Variants in MICAL2 observed in about 807,000 individuals in gnomAD.
MICAL2 encodes [F-actin]-monooxygenase MICAL2.
MICAL2 carries 77 observed loss-of-function variants against 127.3 expected under a neutral mutation model. That is an observed-to-expected ratio of 0.60 (90% CI 0.50 to 0.73). The LOEUF (loss-of-function observed/expected upper bound fraction) is 0.73. Among genes scored for constraint, MICAL2 ranks in the 30% least tolerant of loss-of-function variants. The pLI, the probability that MICAL2 is intolerant of heterozygous loss-of-function variation, is 0.00. For synonymous variants in MICAL2, 570 were observed against 551.1 expected, an observed-to-expected ratio of 1.03 and a Z score of -0.48; for missense variants, 1,351 against 1,434.4, an observed-to-expected ratio of 0.94 and a Z score of 0.94.
At chr11:12,191,715 C>T (rs779012731) in intron 3 of MICAL2, among the ~76,000 whole-genome samples, 1 of 151,960 alleles carries the variant, frequency 6.6e-6, no homozygotes, top group African/African-American at 2.4e-5. Flanking sequence ...TACAGTGAGC[C>T]GTGATTGTAC....
intron 3 of MICAL2, among the ~76,000 whole-genome samples, chr11:12,192,379 C>T (rs954927672): frequency 2.6e-5 from 4 of 152,176 alleles, no homozygotes; most frequent in African/African-American, 9.7e-5. Context: ...ATGCAAACTG[C>T]CATCAGCCTT....
chr11:12,293,180 T>C (rs1377251777), downstream of MICAL2, among the ~76,000 whole-genome samples: 1 of 152,036 alleles, frequency 6.6e-6, no homozygotes, highest in African/African-American at 2.4e-5. Flanking sequence ...AGCAAGAAAA[T>C]GAAGAGCTTA....
At chr11:12,286,003 G>T (rs557692567) in intron 2 of MICAL2, among the ~76,000 whole-genome samples, 17 of 152,344 alleles carry the variant, frequency 1.1e-4, no homozygotes, top group Admixed American at 7.2e-4. Context: ...TGAAGCCTGG[G>T]AATGCATCTG....
Position 12,213,453 on chromosome 11 carries a change from T to C in MICAL2, c.847+43T>C. ...CTCCCAACCAGGCCAAGGTCTAAAG[T>C]TTGCAGTTTCTAAAGTGTGCAGAGG... On this transcript the variant is annotated intron_variant, in intron 7 of 27. Transcript: ENST00000683283. 3 of 1,592,306 alleles carry C rather than the reference T, an allele frequency of 1.9e-6. No individual in the cohort carries two copies. In the South Asian group the frequency reaches 3.4e-5, roughly 18 times the overall value.
At chr11:12,308,697 T>C (rs1237124709) in intron 29 of MICAL2, among the ~76,000 whole-genome samples, 1 of 152,228 alleles carries the variant, frequency 6.6e-6, no homozygotes, top group African/African-American at 2.4e-5. Flanking sequence ...ACTGACATCT[T>C]CCTTTCCAGT....
intron 4 of MICAL2, 126 bp downstream of exon 4, chr11:12,204,583 T>C (rs1590338043): frequency 1.1e-6 from 1 of 909,938 alleles, no homozygotes; most frequent in East Asian, 2.6e-5. Context: ...TATATCAGAC[T>C]AACAGACAAC....
At chr11:12,285,225 T>C (rs2134771479) in intron 2 of MICAL2, among the ~76,000 whole-genome samples, 1 of 152,222 alleles carries the variant, frequency 6.6e-6, no homozygotes, top group South Asian at 2.1e-4. Context: ...TCAATCTAGG[T>C]GGTGCCAGTT....
chr11:12,241,672 T>G (rs1169811619), intron 18 of MICAL2, among the ~76,000 whole-genome samples: 1 of 152,180 alleles, frequency 6.6e-6, no homozygotes, highest in East Asian at 1.9e-4. Flanking sequence ...TGGCAGGTAG[T>G]GCTCCTGAGT....
chr11:12,260,640 C>A, intron 26 of MICAL2: 2 of 986,662 alleles, frequency 2.0e-6, no homozygotes, highest in Non-Finnish European at 2.4e-6. Flanking sequence ...ACTTAGGTAC[C>A]CAGATGCCAC....
At chr11:12,263,445 AGACCACCCTGACCCCC>A (rs1190369096) in intron 27 of MICAL2, 99 bp from the exon 28 acceptor site, 2 of 152,590 alleles carry the variant, frequency 1.3e-5, no homozygotes, top group East Asian at 3.9e-4. Flanking sequence ...CATGTGGCCC[AGACCACCCTGACCCCC>A]GGGCCTGCCT....
chr11:12,299,897 T>G (rs1864027535), intron 29 of MICAL2, among the ~76,000 whole-genome samples: 1 of 152,236 alleles, frequency 6.6e-6, no homozygotes, highest in African/African-American at 2.4e-5. Context: ...GTTTTTATTT[T>G]ATTTGGTTTT....
At chr11:12,308,240 TA>T (rs1482691291) in intron 29 of MICAL2, 1 of 152,156 alleles carries the variant, frequency 6.6e-6, no homozygotes, top group Non-Finnish European at 1.5e-5. Context: ...TTGTTTTTCT[TA>T]AAAATTAATA....
Position 12,242,780 on chromosome 11 carries a change from TG to T in MICAL2, c.2658+12del, listed in dbSNP as rs766252997. ...CACGGGGATTTCCCGCAGGTAAACA[TG>T]GGGCTTTCAGAGCCCCCAGGAACCT... On this transcript the variant is annotated intron_variant, in intron 20 of 27. Transcript: ENST00000683283. 5.6e-6 allele frequency: 9 copies of T among 1,595,890 alleles called. No individual in the cohort carries two copies. The highest frequency in any genetic ancestry group is 3.4e-6 in the Non-Finnish European group (4 of 1,172,854).
intron 32 of MICAL2, among the ~76,000 whole-genome samples, chr11:12,331,822 AG>A (rs1167349231): frequency 6.6e-6 from 1 of 152,242 alleles, no homozygotes; most frequent in East Asian, 1.9e-4. Context: ...GAAATAAAAT[AG>A]GTATCCAAAA....
At chr11:12,298,417 C>T (rs549498350) in intron 29 of MICAL2, among the ~76,000 whole-genome samples, 2 of 152,204 alleles carry the variant, frequency 1.3e-5, no homozygotes, top group African/African-American at 4.8e-5. Context: ...CCCATATATA[C>T]AATCATAACA....
intron 3 of MICAL2, among the ~76,000 whole-genome samples, chr11:12,189,333 G>C (rs1858760893): frequency 6.6e-6 from 1 of 152,142 alleles, no homozygotes; most frequent in African/African-American, 2.4e-5. Context: ...TTGCTAAAGT[G>C]CGAGTACCTA....
intron 9 of MICAL2, 135 bp from the exon 10 acceptor site, chr11:12,221,509 G>C (rs1036837790): frequency 1.8e-6 from 1 of 569,792 alleles, no homozygotes; most frequent in Non-Finnish European, 3.2e-6. Flanking sequence ...ATAGGTAGCA[G>C]GGTCCCTGCC....
intron 1 of MICAL2, among the ~76,000 whole-genome samples, chr11:12,126,025 G>A (rs1477678724): frequency 6.6e-6 from 1 of 152,150 alleles, no homozygotes; most frequent in Admixed American, 6.5e-5. Flanking sequence ...AAGCTGGCTG[G>A]TCCCAGCCCA....
At chr11:12,220,083 G>A in intron 8 of MICAL2, 118 bp from the exon 9 acceptor site, 1 of 1,212,294 alleles carries the variant, frequency 8.2e-7, no homozygotes, top group Non-Finnish European at 1.2e-6. Context: ...GTTTTTATAT[G>A]TCTTTTCTGA....
Sources: gnomAD v4.1 joint callset for allele counts (sites outside exome capture counted in the v4.1 genomes callset) on GRCh38, gnomAD v4.1.1 for gene constraint, MANE v1.5 for transcripts, NCBI Gene and HGNC (gene_info 2026-07-23, HGNC 2026-07-21) for gene names.